Variants in CFDP1 observed in about 807,000 individuals in gnomAD.
The protein encoded by CFDP1 is chromatin remodeling protein CFDP1.
A neutral mutation model predicts 40.1 loss-of-function variants in CFDP1; 31 were observed. The observed-to-expected ratio is 0.77, with a 90% confidence interval of 0.58 to 1.04. The LOEUF (loss-of-function observed/expected upper bound fraction) is 1.04. CFDP1 is among the 50% of genes least tolerant of loss of function. The probability of loss-of-function intolerance (pLI) is 0.00; values close to 1 mark genes in which losing one functional copy is unlikely to be tolerated. For missense variants in CFDP1, 423 were observed against 343.4 expected, an observed-to-expected ratio of 1.23 and a Z score of -1.83; for synonymous variants, 167 against 120.0, an observed-to-expected ratio of 1.39 and a Z score of -2.56.
chr16:75,391,220 T>A (rs565800666), intron 5 of CFDP1: 4 of 152,332 alleles, frequency 2.6e-5, no homozygotes, highest in East Asian at 3.9e-4. Flanking sequence ...AGAAGAAATA[T>A]CCAAGGAAAC....
At chr16:75,329,871 A>C (rs748774114) in intron 5 of CFDP1, among the ~76,000 whole-genome samples, 3 of 152,210 alleles carry the variant, frequency 2.0e-5, no homozygotes, top group Non-Finnish European at 4.4e-5. Flanking sequence ...ACAGAAGAGT[A>C]AGCATGGTTC....
At chr16:75,307,838 G>A (rs2078268988) in intron 5 of CFDP1, among the ~76,000 whole-genome samples, 1 of 152,178 alleles carries the variant, frequency 6.6e-6, no homozygotes, top group Admixed American at 6.5e-5. Flanking sequence ...GGGATTATAG[G>A]CACAAGCCAC....
At chr16:75,354,295 G>A (rs1458138130) in intron 5 of CFDP1, among the ~76,000 whole-genome samples, 2 of 152,156 alleles carry the variant, frequency 1.3e-5, no homozygotes, top group East Asian at 1.9e-4. Flanking sequence ...CATATGTCAA[G>A]GAACATGTGT....
At chr16:75,395,418 T>A (rs536078597) in intron 4 of CFDP1, among the ~76,000 whole-genome samples, 8 of 152,226 alleles carry the variant, frequency 5.3e-5, no homozygotes, top group Admixed American at 1.3e-4. Context: ...CCCAGCACTT[T>A]GGGAGGCCGA....
intron 5 of CFDP1, among the ~76,000 whole-genome samples, chr16:75,362,301 C>A (rs191054102): frequency 1.8e-4 from 28 of 152,254 alleles, no homozygotes; most frequent in African/African-American, 5.8e-4. Context: ...AAAGGCGGGG[C>A]CCAGCTGCAC....
chr16:75,337,608 G>T (rs1463594656), intron 5 of CFDP1, among the ~76,000 whole-genome samples: 1 of 152,160 alleles, frequency 6.6e-6, no homozygotes, highest in Non-Finnish European at 1.5e-5. Context: ...GGCTGGGAAG[G>T]CCTCAAGAAA....
At chr16:75,373,842 A>T (rs1053679277) in intron 5 of CFDP1, among the ~76,000 whole-genome samples, 1 of 152,158 alleles carries the variant, frequency 6.6e-6, no homozygotes, top group South Asian at 2.1e-4. Flanking sequence ...TTGAGAAAAA[A>T]ATTCTGGTAG....
intron 5 of CFDP1, among the ~76,000 whole-genome samples, chr16:75,366,649 A>C (rs972588672): frequency 7.2e-5 from 11 of 152,110 alleles, no homozygotes; most frequent in African/African-American, 4.8e-5. Flanking sequence ...AAACAAAAAA[A>C]CCGTTATAGG....
At chr16:75,295,556 C>CA (rs1165390782) in intron 6 of CFDP1, among the ~76,000 whole-genome samples, 1 of 152,182 alleles carries the variant, frequency 6.6e-6, no homozygotes, top group East Asian at 1.9e-4. Flanking sequence ...CTCCCAAGGA[C>CA]AGTAGATGGC....
At chr16:75,431,094 A>G (rs541476287) in intron 1 of CFDP1, among the ~76,000 whole-genome samples, 7 of 152,298 alleles carry the variant, frequency 4.6e-5, no homozygotes, top group African/African-American at 1.7e-4. Context: ...AGTGCAGGAA[A>G]AGTAATCTGT....
At chr16:75,366,838 A>C (rs2078717416) in intron 5 of CFDP1, among the ~76,000 whole-genome samples, 1 of 151,862 alleles carries the variant, frequency 6.6e-6, no homozygotes, top group Non-Finnish European at 1.5e-5. Context: ...TTCTAAAATG[A>C]AATTGTACAC....
chr16:75,371,079 G>A (rs1434984951), intron 5 of CFDP1, among the ~76,000 whole-genome samples: 1 of 152,112 alleles, frequency 6.6e-6, no homozygotes, highest in Non-Finnish European at 1.5e-5. Context: ...ATGTTCATGT[G>A]GACTTCACTG....
At chr16:75,373,683 G>T (rs1167334224) in intron 5 of CFDP1, among the ~76,000 whole-genome samples, 1 of 151,984 alleles carries the variant, frequency 6.6e-6, no homozygotes, top group Non-Finnish European at 1.5e-5. Context: ...GGTATGAACG[G>T]GGTCTCCCTA....
At chr16:75,294,257 T>C (rs2078166051) in intron 6 of CFDP1, among the ~76,000 whole-genome samples, 1 of 152,102 alleles carries the variant, frequency 6.6e-6, no homozygotes, top group East Asian at 1.9e-4. Context: ...AGAAAGTATA[T>C]TAGAGGCTGG....
intron 6 of CFDP1, among the ~76,000 whole-genome samples, chr16:75,303,398 TAA>T (rs1567639320): frequency 1.5e-4 from 21 of 137,790 alleles, no homozygotes; most frequent in African/African-American, 5.3e-4. Context: ...AATAAATAAA[TAA>T]ATGTATGTAT....
At chr16:75,353,283 A>AT (rs1184900973) in intron 5 of CFDP1, among the ~76,000 whole-genome samples, 1 of 152,166 alleles carries the variant, frequency 6.6e-6, no homozygotes, top group African/African-American at 2.4e-5. Context: ...TGAAGACATT[A>AT]TTTTTTCTTA....
At chr16:75,353,611 C>T (rs924750776) in intron 5 of CFDP1, among the ~76,000 whole-genome samples, 11 of 151,784 alleles carry the variant, frequency 7.2e-5, no homozygotes, top group Middle Eastern at 3.4e-3. Flanking sequence ...TAGCTGGGCG[C>T]GGTGGCGGGC....
At chr16:75,323,795 A>AG (rs2078383634) in intron 5 of CFDP1, among the ~76,000 whole-genome samples, 1 of 151,776 alleles carries the variant, frequency 6.6e-6, no homozygotes, top group South Asian at 2.1e-4. Flanking sequence ...AAAAAAAAAA[A>AG]GTATACTATA....
intron 5 of CFDP1, among the ~76,000 whole-genome samples, chr16:75,321,686 T>G (rs2078364660): frequency 6.6e-6 from 1 of 152,220 alleles, no homozygotes; most frequent in Non-Finnish European, 1.5e-5. Flanking sequence ...AACTCATGAC[T>G]GTATTCTCTC....
Sources: allele counts gnomAD v4.1 joint callset (sites outside exome capture counted in the v4.1 genomes callset), GRCh38; gene constraint gnomAD v4.1.1; transcripts MANE v1.5; gene names NCBI Gene and HGNC (gene_info 2026-07-23, HGNC 2026-07-21).